Variants in TEX9 observed in about 807,000 individuals in gnomAD.
The protein encoded by TEX9 is testis expressed 9, also known as testis-expressed protein 9.
In TEX9, 74 loss-of-function variants were observed where a neutral mutation model predicts 59.6. The ratio of observed to expected loss-of-function variants is 1.24; its 90% CI spans 1.03 to 1.51. The LOEUF (loss-of-function observed/expected upper bound fraction) is 1.51. TEX9 is among the 40% of genes most tolerant of loss of function. The pLI is 0.00. For missense variants in TEX9, 522 were observed against 447.8 expected, an observed-to-expected ratio of 1.17 and a Z score of -1.49; for synonymous variants, 186 against 152.2, an observed-to-expected ratio of 1.22 and a Z score of -1.64.
At chr15:56,322,339 AT>A (rs2045920969) in intron 1 of TEX9, among the ~76,000 whole-genome samples, 1 of 152,152 alleles carries the variant, frequency 6.6e-6, no homozygotes, top group African/African-American at 2.4e-5. Flanking sequence ...TCACCTTTGC[AT>A]TTTTAAAGGC....
intron 1 of TEX9, among the ~76,000 whole-genome samples, chr15:56,276,782 A>G (rs1248571224): frequency 6.6e-6 from 1 of 152,178 alleles, no homozygotes; most frequent in Non-Finnish European, 1.5e-5. Context: ...GAACTAATTT[A>G]CACTCCTACC....
At chr15:56,433,930 G>A (rs1486275062) in intron 12 of TEX9, among the ~76,000 whole-genome samples, 3 of 151,878 alleles carry the variant, frequency 2.0e-5, no homozygotes, top group African/African-American at 4.8e-5. Context: ...TACCTTTTAT[G>A]TTCTCAATAC....
chr15:56,388,626 T>C (rs1457774752), intron 5 of TEX9, 106 bp downstream of exon 5: 2 of 895,642 alleles, frequency 2.2e-6, no homozygotes, highest in Admixed American at 1.9e-5. Flanking sequence ...TCAACAGAAA[T>C]AGAATATGAA....
At chr15:56,451,729 T>TG in the TEX9 span, among the ~76,000 whole-genome samples, 119,539 of 152,086 alleles carry the variant, frequency 0.79, 49,273 homozygotes, top group South Asian at 0.91. Context: ...CAATTCATGA[T>TG]GGGATGCATC....
intron 2 of TEX9, among the ~76,000 whole-genome samples, chr15:56,366,398 C>T (rs1369573653): frequency 6.6e-6 from 1 of 152,208 alleles, no homozygotes; most frequent in Non-Finnish European, 1.5e-5. Context: ...CCTTTTAGTT[C>T]CAAAAACTCT....
intron 1 of TEX9, among the ~76,000 whole-genome samples, chr15:56,274,332 C>A (rs899199088): frequency 1.3e-5 from 2 of 152,058 alleles, no homozygotes; most frequent in Non-Finnish European, 2.9e-5. Context: ...TTATAATTTC[C>A]ATTTCTCTGC....
chr15:56,289,900 A>G lies in TEX9; in HGVS notation c.-107+45622A>G, dbSNP rs139967962. ...AAGCAGCCGAGGAGCCAAGAATGGG[A>G]GCACAGACATGCTCGGAGTTACAAA... is the stretch of plus-strand genomic sequence containing the variant. On this transcript the variant is annotated intron_variant, in intron 1 of 5. Coordinates refer to the TEX9 transcript ENST00000560827. Among the ~76,000 whole-genome samples the G allele has an allele frequency of 1.9e-4, 29 of 152,308 alleles. 1 individual carries two copies. The East Asian group carries it at 4.6e-3, about 24-fold the overall frequency.
chr15:56,344,674 A>G (rs1189726596), intron 1 of TEX9, among the ~76,000 whole-genome samples: 1 of 152,152 alleles, frequency 6.6e-6, no homozygotes, highest in Non-Finnish European at 1.5e-5. Flanking sequence ...ATGATGCCAT[A>G]TTAGGTAGGA....
chr15:56,387,831 G>A (rs2048029642), intron 4 of TEX9, among the ~76,000 whole-genome samples: 1 of 151,902 alleles, frequency 6.6e-6, no homozygotes, highest in Admixed American at 6.6e-5. Flanking sequence ...GTGAGTGGGT[G>A]GATTCAGCCT....
At chr15:56,251,579 G>A (rs1422096938) in intron 1 of TEX9, among the ~76,000 whole-genome samples, 2 of 152,134 alleles carry the variant, frequency 1.3e-5, no homozygotes, top group Admixed American at 1.3e-4. Flanking sequence ...AGTAAAAACA[G>A]TAGCTGAAAG....
chr15:56,339,412 A>AAAAAAC (rs2046330651), intron 1 of TEX9, among the ~76,000 whole-genome samples: 1 of 149,920 alleles, frequency 6.7e-6, no homozygotes, highest in Admixed American at 6.6e-5. Flanking sequence ...AAAAAAAAAA[A>AAAAAAC]AACAGGAGAA....
At chr15:56,330,143 G>GA (rs542940111) in intron 1 of TEX9, among the ~76,000 whole-genome samples, 62 of 151,976 alleles carry the variant, frequency 4.1e-4, no homozygotes, top group Middle Eastern at 3.4e-3. Flanking sequence ...AGTGCTAAAG[G>GA]AAAAAAATAT....
intron 1 of TEX9, among the ~76,000 whole-genome samples, chr15:56,245,420 C>T (rs1479399999): frequency 6.6e-6 from 1 of 152,204 alleles, no homozygotes; most frequent in Non-Finnish European, 1.5e-5. Context: ...TTGCATCACA[C>T]AAATGAGCCC....
At chr15:56,326,588 G>T (rs2046024584) in intron 1 of TEX9, among the ~76,000 whole-genome samples, 1 of 152,074 alleles carries the variant, frequency 6.6e-6, no homozygotes, top group Non-Finnish European at 1.5e-5. Context: ...AATCAGATTT[G>T]GAAATGCAGA....
intron 1 of TEX9, among the ~76,000 whole-genome samples, chr15:56,289,032 A>C (rs2718945): frequency 1 from 152,243 of 152,340 alleles, 76,073 homozygotes; most frequent in Non-Finnish European, 1. Flanking sequence ...TTTGTCATTT[A>C]ATTCATTGCA....
chr15:56,342,317 G>T (rs2046387274), intron 1 of TEX9, among the ~76,000 whole-genome samples: 1 of 152,112 alleles, frequency 6.6e-6, no homozygotes, highest in Non-Finnish European at 1.5e-5. Flanking sequence ...GCTCAGAGAG[G>T]TTAAGTGAAA....
chr15:56,307,598 C>A (rs781683271), intron 1 of TEX9, among the ~76,000 whole-genome samples: 1 of 152,190 alleles, frequency 6.6e-6, no homozygotes, highest in African/African-American at 2.4e-5. Context: ...AATTACGTAT[C>A]ATAAAATTCA....
chr15:56,384,032 G>A lies in TEX9; in HGVS notation c.263+1G>A, dbSNP rs139727871. ...ATGACGAAGATGATTACAGTTTAAGGTAAGTATCTTAAATTCTCAAGCACC... is the reference window on the plus strand; with the variant it reads ...ATGACGAAGATGATTACAGTTTAAGATAAGTATCTTAAATTCTCAAGCACC... On this transcript the variant is annotated splice_donor_variant, in intron 4 of 12. Transcript: ENST00000352903. LOFTEE classifies it high-confidence loss of function. The A allele has an allele frequency of 1.9e-6, 3 of 1,609,284 alleles. No homozygotes were observed. Among genetic ancestry groups the A allele is most frequent in the South Asian group, 1.1e-5 (1 of 90,254 alleles).
At chr15:56,411,284 T>A (rs1377832606) in intron 9 of TEX9, among the ~76,000 whole-genome samples, 7 of 152,156 alleles carry the variant, frequency 4.6e-5, no homozygotes, top group African/African-American at 1.7e-4. Flanking sequence ...TATACAGAAA[T>A]TAAGACAGTT....
Sources: allele counts gnomAD v4.1 joint callset (sites outside exome capture counted in the v4.1 genomes callset), GRCh38; gene constraint gnomAD v4.1.1; transcripts MANE v1.5; gene names NCBI Gene and HGNC (gene_info 2026-07-23, HGNC 2026-07-21).